The following ISM1 variants were observed in gnomAD, a reference collection of about 807,000 sequenced individuals.
ISM1 encodes the protein isthmin-1.
A neutral mutation model predicts 46.3 loss-of-function variants in ISM1; 25 were observed. The ratio of observed to expected loss-of-function variants is 0.54; its 90% CI spans 0.39 to 0.75. The LOEUF (loss-of-function observed/expected upper bound fraction) is 0.75, where lower values mean the gene tolerates loss of function less well. Ranked by LOEUF, ISM1 falls within the 30% of genes least tolerant of loss-of-function variation. The pLI is 0.00. For missense variants in ISM1, 536 were observed against 625.4 expected (o/e 0.86, Z 1.52); for synonymous variants, 255 against 256.7 (o/e 0.99, Z 0.06).
At chr20:13,238,136 T>G (rs1459467252) in intron 1 of ISM1, 1 of 152,160 alleles carries the variant, frequency 6.6e-6, no homozygotes, top group Non-Finnish European at 1.5e-5. Context: ...AAGAATACTT[T>G]TGAGAGCACT....
chr20:13,225,011 AATTT>A (rs368896834), intron 1 of ISM1, among the ~76,000 whole-genome samples: 2,455 of 132,320 alleles, frequency 0.019, 66 homozygotes, highest in African/African-American at 0.063. Flanking sequence ...ACGCCCGGCT[AATTT>A]TTTTTTTTTT....
intron 1 of ISM1, among the ~76,000 whole-genome samples, chr20:13,223,606 C>A (rs2039478166): frequency 6.6e-6 from 1 of 152,216 alleles, no homozygotes; most frequent in Admixed American, 6.5e-5. Context: ...CACCCCAAAG[C>A]TTAAAGTTGT....
chr20:13,266,107 G>A (rs1372179082), intron 1 of ISM1, among the ~76,000 whole-genome samples: 69 of 152,156 alleles, frequency 4.5e-4, no homozygotes, highest in Admixed American at 4.5e-3. Flanking sequence ...TCCTCATGGG[G>A]CAGAATTGTG....
At chr20:13,272,584 T>C (rs996819250) in intron 2 of ISM1, among the ~76,000 whole-genome samples, 1 of 152,096 alleles carries the variant, frequency 6.6e-6, no homozygotes, top group Non-Finnish European at 1.5e-5. Flanking sequence ...GTGACAAATA[T>C]TTTGGAGGTC....
chr20:13,281,772 C>G (rs2040240776), intron 3 of ISM1, among the ~76,000 whole-genome samples: 1 of 152,184 alleles, frequency 6.6e-6, no homozygotes, highest in South Asian at 2.1e-4. Flanking sequence ...CCGCTTGATG[C>G]CAGCCTGAGA....
chr20:13,247,903 CA>C (rs1289173669), intron 1 of ISM1, among the ~76,000 whole-genome samples: 2 of 152,168 alleles, frequency 1.3e-5, no homozygotes, highest in African/African-American at 2.4e-5. Context: ...AACCACAGTG[CA>C]AAAGTGACAT....
At chr20:13,237,188 G>A (rs982322915) in intron 1 of ISM1, among the ~76,000 whole-genome samples, 54 of 152,292 alleles carry the variant, frequency 3.5e-4, no homozygotes, top group African/African-American at 1.2e-3. Flanking sequence ...AGATTTGAAT[G>A]GGGACACAGC....
At chr20:13,227,725 GTC>G (rs1262902591) in intron 1 of ISM1, among the ~76,000 whole-genome samples, 1 of 151,228 alleles carries the variant, frequency 6.6e-6, no homozygotes, top group Non-Finnish European at 1.5e-5. Context: ...AGCCAGGATG[GTC>G]TCGATCTCCT....
chr20:13,270,788 T>C (rs761101167), intron 2 of ISM1, 45 bp downstream of exon 2: 11 of 1,574,752 alleles, frequency 7.0e-6, no homozygotes, highest in Middle Eastern at 1.7e-4. Flanking sequence ...AAACAGTCCA[T>C]CTTTTGTTTT....
chr20:13,290,932 C>T (rs1001310177), intron 4 of ISM1, among the ~76,000 whole-genome samples: 4 of 152,308 alleles, frequency 2.6e-5, no homozygotes, highest in Admixed American at 1.3e-4. Context: ...TCCGGACAGT[C>T]TGATTACAGA....
chr20:13,279,017 T>G (rs1294200828), intron 2 of ISM1, among the ~76,000 whole-genome samples: 2 of 152,166 alleles, frequency 1.3e-5, no homozygotes, highest in Non-Finnish European at 2.9e-5. Context: ...TCCTACCCAT[T>G]CTGCTGGACA....
intron 2 of ISM1, among the ~76,000 whole-genome samples, chr20:13,276,433 A>G (rs765032236): frequency 6.6e-6 from 1 of 152,124 alleles, no homozygotes; most frequent in Non-Finnish European, 1.5e-5. Context: ...GTGCATTGGA[A>G]CTTTTCCTCG....
intron 1 of ISM1, among the ~76,000 whole-genome samples, chr20:13,238,554 C>T (rs1318742654): frequency 1.3e-5 from 2 of 152,148 alleles, no homozygotes; most frequent in Non-Finnish European, 2.9e-5. Flanking sequence ...ATCTCACAGA[C>T]TTATTAGCAT....
chr20:13,322,737 A>T, the ISM1 span, among the ~76,000 whole-genome samples: 1 of 152,172 alleles, frequency 6.6e-6, no homozygotes, highest in Non-Finnish European at 1.5e-5. Context: ...GGGGTGGAAT[A>T]TGTGATCTTT....
At chr20:13,232,422 T>A (rs765303499) in intron 1 of ISM1, among the ~76,000 whole-genome samples, 1 of 152,240 alleles carries the variant, frequency 6.6e-6, no homozygotes, top group African/African-American at 2.4e-5. Context: ...TTGCATGATA[T>A]GGCTTTTTGC....
intron 1 of ISM1, among the ~76,000 whole-genome samples, chr20:13,246,959 G>A (rs910324115): frequency 3.0e-4 from 46 of 152,012 alleles, no homozygotes; most frequent in Admixed American, 2.0e-3. Flanking sequence ...TATAGTGCCG[G>A]GCCCAGTGGC....
Position 13,270,528 on chromosome 20 carries a change from A to G in ISM1, c.163A>G (p.Thr55Ala). ...LQNNLNVGSDTTSETSFSLSK... is the reference protein window; with the variant it reads ...LQNNLNVGSDATSETSFSLSK... ...GAATAACCTCAACGTGGGAAGTGAC[A>G]CCACATCAGAAACCAGCTTTTCTCT... Residue 55 changes from threonine to alanine, a missense_variant, in exon 2 of 6, where the codon ACC becomes GCC. Transcript: ENST00000262487. 6.2e-7 allele frequency: 1 copy of G among 1,613,572 alleles called. No individual in the cohort carries two copies. The highest frequency in any genetic ancestry group is 1.7e-5 in the Admixed American group (1 of 59,976).
intron 1 of ISM1, chr20:13,238,243 A>C (rs1275309055): frequency 6.6e-6 from 1 of 152,176 alleles, no homozygotes; most frequent in Admixed American, 6.5e-5. Context: ...TCTACTGGAC[A>C]TGGTGACTTT....
downstream of ISM1, among the ~76,000 whole-genome samples, chr20:13,304,745 G>A (rs906754704): frequency 3.3e-5 from 5 of 152,218 alleles, no homozygotes; most frequent in East Asian, 1.9e-4. Flanking sequence ...CTCACCCCTC[G>A]AGTGGGGCCA....
Sources: gnomAD v4.1 joint callset for allele counts (sites outside exome capture counted in the v4.1 genomes callset) on GRCh38, gnomAD v4.1.1 for gene constraint, MANE v1.5 for transcripts, NCBI Gene and HGNC (gene_info 2026-07-23, HGNC 2026-07-21) for gene names.